LRRK2: variants seen among roughly 807,000 people sequenced by gnomAD.
LRRK2 encodes the protein leucine rich repeat kinase 2, also known as leucine-rich repeat serine/threonine-protein kinase 2.
A neutral mutation model predicts 302.6 loss-of-function variants in LRRK2; 203 were observed. The ratio of observed to expected loss-of-function variants is 0.67; its 90% confidence interval spans 0.60 to 0.75. LRRK2 has a LOEUF of 0.75. Among genes scored for constraint, LRRK2 ranks in the 30% least tolerant of loss-of-function variants. The probability of loss-of-function intolerance (pLI) is 0.00; values close to 1 mark genes in which losing one functional copy is unlikely to be tolerated. For missense variants in LRRK2, 2,830 were observed against 2,951.0 expected, an observed-to-expected ratio of 0.96 and a Z score of 0.95; for synonymous variants, 1,066 against 1,031.9, an observed-to-expected ratio of 1.03 and a Z score of -0.63.
At chr12:40,292,041 A>G (rs1030283717) in intron 20 of LRRK2, among the ~76,000 whole-genome samples, 5 of 152,052 alleles carry the variant, frequency 3.3e-5, no homozygotes, top group Non-Finnish European at 7.4e-5. Context: ...TCTTCCAGAA[A>G]CCCATATGCA....
chr12:40,258,454 A>G (rs1942617446), intron 12 of LRRK2, among the ~76,000 whole-genome samples: 2 of 152,180 alleles, frequency 1.3e-5, no homozygotes, highest in Non-Finnish European at 2.9e-5. Context: ...ACCTTTACAA[A>G]TGAGGCAAAA....
At chr12:40,312,411 G>C (rs1251045091) in intron 31 of LRRK2, among the ~76,000 whole-genome samples, 1 of 152,104 alleles carries the variant, frequency 6.6e-6, no homozygotes, top group Non-Finnish European at 1.5e-5. Context: ...CTGTGAGCCT[G>C]CCAGAACTTG....
chr12:40,251,641 T>C (rs562095384), intron 10 of LRRK2, 97 bp downstream of exon 10: 137 of 1,099,436 alleles, frequency 1.2e-4, no homozygotes, highest in Non-Finnish European at 1.2e-4. Context: ...GTTAGAAATA[T>C]TTTTGATATA....
chr12:40,326,006 G>A (rs550930533), intron 38 of LRRK2, among the ~76,000 whole-genome samples: 16 of 152,216 alleles, frequency 1.1e-4, no homozygotes, highest in Middle Eastern at 3.4e-3. Context: ...GATTTGAGGG[G>A]TTAGGAAAAT....
In LRRK2 at chr12:40,367,669, G is replaced by A; in HGVS notation, c.7488G>A (p.Trp2496Ter). 1 of 1,602,338 alleles carries A rather than the reference G, an allele frequency of 6.2e-7. No homozygotes were observed. Among genetic ancestry groups the A allele is most frequent in the South Asian group, 1.1e-5 (1 of 89,626 alleles). The change falls in exon 51 of 51, where the codon TGG becomes TGA. Residue 2496 changes from tryptophan (W) to a stop codon, truncating the protein, a stop_gained. Coordinates refer to ENST00000298910, the MANE Select transcript of LRRK2 (RefSeq NM_198578.4). LOFTEE classifies it high-confidence loss of function. The part of the protein sequence containing the change: ...QKEIQSCLTV[W>*]DINLPHEVQN... ...AGATACAATCTTGCTTGACCGTTTG[G>A]GACATCAATCTTCCACATGAAGTGC...
chr12:40,298,142 T>C, intron 23 of LRRK2, 101 bp from the exon 24 acceptor site: 2 of 1,242,562 alleles, frequency 1.6e-6, no homozygotes, highest in East Asian at 4.7e-5. Flanking sequence ...TTGAAAATTC[T>C]TGATGGTTCT....
intron 32 of LRRK2, 73 bp downstream of exon 32, chr12:40,314,246 A>G: frequency 7.0e-7 from 1 of 1,437,776 alleles, no homozygotes; most frequent in African/African-American, 1.4e-5. Flanking sequence ...AATCTTTTAT[A>G]GAATTTACAT....
At chr12:40,236,452 C>CA (rs746167060) in intron 4 of LRRK2, among the ~76,000 whole-genome samples, 2 of 152,098 alleles carry the variant, frequency 1.3e-5, no homozygotes, top group Non-Finnish European at 2.9e-5. Context: ...GACCTGAAAA[C>CA]AAAAAATCTT....
At chr12:40,247,371 C>T (rs559373173) in intron 7 of LRRK2, among the ~76,000 whole-genome samples, 1 of 151,076 alleles carries the variant, frequency 6.6e-6, no homozygotes, top group South Asian at 2.1e-4. Flanking sequence ...AATATTTTCA[C>T]ATTTCTTTCA....
In LRRK2 at chr12:40,367,653, C is replaced by G; in HGVS notation, c.7472C>G (p.Ser2491Cys). 3.1e-6 allele frequency: 5 copies of G among 1,602,802 alleles called. No homozygotes were observed. Among genetic ancestry groups the G allele is most frequent in the Non-Finnish European group, 4.3e-6 (5 of 1,173,690 alleles). ...EGTQKQKEIQ[S>C]CLTVWDINLP... is the part of the protein sequence containing the mutation. ...TTTTTTCTTTTTCTAGAGATACAAT[C>G]TTGCTTGACCGTTTGGGACATCAAT... Residue 2491 changes from serine (S) to cysteine (C), a missense_variant, in exon 51 of 51, where the codon TCT (serine) becomes TGT (cysteine). Around this residue, in one of 3 missense-constraint regions of LRRK2, gnomAD observed 456 missense variants for 456.3 expected, o/e 1.00. Coordinates refer to ENST00000298910, the MANE Select transcript of LRRK2 (RefSeq NM_198578.4).
chr12:40,286,524 A>T (rs543907350), intron 19 of LRRK2: 1 of 152,174 alleles, frequency 6.6e-6, no homozygotes, highest in South Asian at 2.1e-4. Context: ...TTAGCTGATT[A>T]TCTACACTTC....
chr12:40,305,721 T>C (rs1944793862), intron 27 of LRRK2, 64 bp from the exon 28 acceptor site: 2 of 1,427,210 alleles, frequency 1.4e-6, no homozygotes, highest in African/African-American at 2.8e-5. Flanking sequence ...TCTTATCACG[T>C]TTTTTGGCAG....
rs548407556 is a variant in LRRK2 at position 40,315,410 on chromosome 12, T to C, written c.4827+110T>C. On this transcript the variant is annotated intron_variant, in intron 33 of 50. Transcript: ENST00000298910. The stretch of plus-strand genomic sequence containing the variant: ...TTGGGTTTAGTTAAGGCAGAAACTT[T>C]TGTGAATTTGGAAAACTGTGGAACA... 50 of 865,918 alleles carry C rather than the reference T, an allele frequency of 5.8e-5. No homozygotes were observed. In the South Asian group the frequency reaches 6.3e-4, roughly 11 times the overall value. 53.6% of individuals were successfully genotyped at this position (865,918 alleles called of 1,614,324 possible). A position where few individuals can be genotyped will look rare whatever the true frequency, so the allele number is the denominator to read the frequency against.
At chr12:40,346,585 G>T (rs1946196402) in intron 41 of LRRK2, among the ~76,000 whole-genome samples, 168 bp from the exon 42 acceptor site, 1 of 152,110 alleles carries the variant, frequency 6.6e-6, no homozygotes, top group African/African-American at 2.4e-5. Flanking sequence ...TTATGAGACA[G>T]GACAATTAAT....
chr12:40,253,099 A>T, intron 11 of LRRK2, 83 bp downstream of exon 11: 1 of 830,924 alleles, frequency 1.2e-6, no homozygotes, highest in Non-Finnish European at 2.0e-6. Flanking sequence ...ACTGTGAAAA[A>T]TTTACATAAT....
At chr12:40,250,902 C>CTTGATATTGATATTCTT (rs1034918284) in intron 8 of LRRK2, among the ~76,000 whole-genome samples, 2 of 151,948 alleles carry the variant, frequency 1.3e-5, no homozygotes, top group African/African-American at 4.8e-5. Context: ...TTTATCTAGT[C>CTTGATATTGATATTCTT]TATCATTGAT....
intron 5 of LRRK2, among the ~76,000 whole-genome samples, chr12:40,239,926 G>A (rs1941652857): frequency 6.6e-6 from 1 of 152,058 alleles, no homozygotes; most frequent in Non-Finnish European, 1.5e-5. Flanking sequence ...GACTCCAAAT[G>A]GAACTTACTG....
chr12:40,347,017 C>G (rs1182389695), intron 42 of LRRK2, 94 bp downstream of exon 42: 1 of 961,446 alleles, frequency 1.0e-6, no homozygotes, highest in African/African-American at 2.1e-5. Flanking sequence ...ATTCCTTAAA[C>G]AGATGATCAT....
Position 40,340,451 on chromosome 12 carries a change from C to T in LRRK2, c.6106C>T (p.Pro2036Ser). The T allele has an allele frequency of 6.2e-7, 1 of 1,613,710 alleles. No homozygotes were observed. The highest frequency in any genetic ancestry group is 8.5e-7 in the Non-Finnish European group (1 of 1,179,734). Residue 2036 changes from proline to serine, a missense_variant, in exon 41 of 51, where the codon CCA (proline) becomes TCA (serine). This residue lies in a region of LRRK2 where 253 missense variants were observed against 346.7 expected (regional missense o/e 0.73). Coordinates refer to ENST00000298910, the MANE Select transcript of LRRK2 (RefSeq NM_198578.4). ...GGGGATAAAAACATCAGAGGGCACA[C>T]CAGGTAGGTGATCAGGTCTGTCTCA... is the stretch of plus-strand genomic sequence containing the variant. Reference protein sequence around the residue: ...RMGIKTSEGTPGFRAPEVARG... With the variant: ...RMGIKTSEGTSGFRAPEVARG...
Sources: gnomAD v4.1 joint callset for allele counts (sites outside exome capture counted in the v4.1 genomes callset) on GRCh38, gnomAD v4.1.1 for gene constraint, gnomAD v4.1.1 regional missense constraint, MANE v1.5 for transcripts, NCBI Gene and HGNC (gene_info 2026-07-23, HGNC 2026-07-21) for gene names.